UNC79: variants seen among roughly 807,000 people sequenced by gnomAD.
The protein encoded by UNC79 is protein unc-79 homolog.
UNC79 carries 37 observed loss-of-function variants against 283.1 expected under a neutral mutation model. That is an observed-to-expected ratio of 0.13 (90% CI 0.10 to 0.17). The LOEUF is 0.17. UNC79 is among the 10% of genes least tolerant of loss of function. The pLI, the probability that UNC79 is intolerant of heterozygous loss-of-function variation, is 1.00. For missense variants in UNC79, 2,272 were observed against 3,211.1 expected (o/e 0.71, Z 7.07); for synonymous variants, 1,107 against 1,200.2 (o/e 0.92, Z 1.61).
At chr14:93,643,802 G>T (rs978613686) in intron 34 of UNC79, 105 bp downstream of exon 37, 1 of 1,479,014 alleles carries the variant, frequency 6.8e-7, no homozygotes, top group African/African-American at 1.4e-5. Flanking sequence ...CCACCTTGTA[G>T]ATACTGGTAT....
intron 4 of UNC79, among the ~76,000 whole-genome samples, chr14:93,481,752 A>G (rs531744947): frequency 6.6e-6 from 1 of 152,346 alleles, no homozygotes; most frequent in South Asian, 2.1e-4. Flanking sequence ...AACACATAGA[A>G]AAAACAGTAA....
At chr14:93,647,990 A>T (rs775348914) in intron 35 of UNC79, among the ~76,000 whole-genome samples, 7 of 152,124 alleles carry the variant, frequency 4.6e-5, no homozygotes, top group Non-Finnish European at 7.4e-5. Flanking sequence ...TATGGGGAAA[A>T]CCACCCCTAT....
intron 40 of UNC79, among the ~76,000 whole-genome samples, chr14:93,664,760 A>C (rs1441931592): frequency 6.6e-6 from 1 of 152,174 alleles, no homozygotes; most frequent in African/African-American, 2.4e-5. Flanking sequence ...TGGAACTCCC[A>C]AGTTGAAGAG....
At chr14:93,612,990 C>G (rs765922099) in exon 27 of UNC79, 2 of 1,614,200 alleles carry the variant, frequency 1.2e-6, no homozygotes, top group Non-Finnish European at 1.7e-6. Context: ...ACGTCTTACT[C>G]GGCTATGACC....
intron 1 of UNC79, among the ~76,000 whole-genome samples, chr14:93,370,466 C>T (rs80313807): frequency 0.012 from 1,851 of 152,238 alleles, 37 homozygotes; most frequent in African/African-American, 0.042. Flanking sequence ...AGAAAGATCT[C>T]TGCGCTTAAA....
intron 47 of UNC79, among the ~76,000 whole-genome samples, chr14:93,701,527 GT>G (rs2075529019): frequency 6.6e-6 from 1 of 152,034 alleles, no homozygotes; most frequent in Admixed American, 6.6e-5. Flanking sequence ...TCAGGATATT[GT>G]TTCTGAAGAG....
chr14:93,580,108 T>TTG (rs535994924), intron 18 of UNC79, 41 bp from the exon 19 acceptor site: 55 of 1,500,138 alleles, frequency 3.7e-5, no homozygotes, highest in Middle Eastern at 1.8e-4. Context: ...TCTTTTTTTT[T>TTG]TGTGTGTGTG....
chr14:93,516,982 T>A (rs1029722756), intron 7 of UNC79, among the ~76,000 whole-genome samples: 2 of 152,128 alleles, frequency 1.3e-5, no homozygotes, highest in African/African-American at 4.8e-5. Context: ...AAATAGTGTT[T>A]AAAAATTTTA....
intron 1 of UNC79, among the ~76,000 whole-genome samples, chr14:93,381,963 C>A (rs1489832864): frequency 3.9e-5 from 6 of 152,154 alleles, no homozygotes; most frequent in African/African-American, 1.4e-4. Context: ...GAGGAATAGA[C>A]AAGCTAAGCT....
intron 40 of UNC79, among the ~76,000 whole-genome samples, chr14:93,666,789 C>T (rs1260952132): frequency 2.6e-5 from 4 of 151,858 alleles, no homozygotes; most frequent in Non-Finnish European, 5.9e-5. Flanking sequence ...AATTTTAGAA[C>T]AGATTTAAAA....
Position 93,573,911 on chromosome 14 carries a change from G to A in UNC79, c.2070+1095G>A, listed in dbSNP as rs897526861. ...TCCCAGCTACTTGGGAGGCCGAGCC[G>A]GGAGAATCTCTTGAGCCCAGGAGAT... On this transcript the variant is annotated intron_variant, in intron 16 of 48. Transcript: ENST00000555664. Among the ~76,000 whole-genome samples, 4 of 152,126 alleles carry A rather than the reference G, an allele frequency of 2.6e-5. 1 individual carries two copies. The highest frequency in any genetic ancestry group is 3.9e-4 in the East Asian group (2 of 5,184).
intron 1 of UNC79, among the ~76,000 whole-genome samples, chr14:93,404,221 AG>A (rs147489908): frequency 0.12 from 17,965 of 151,652 alleles, 1,322 homozygotes; most frequent in African/African-American, 0.21. Context: ...AGTTGGGAAG[AG>A]GATTGAAATA....
intron 17 of UNC79, among the ~76,000 whole-genome samples, chr14:93,576,048 T>C (rs942001723): frequency 6.6e-6 from 1 of 152,266 alleles, no homozygotes; most frequent in Non-Finnish European, 1.5e-5. Context: ...CTTTCTTTCT[T>C]TCTTCTGTAA....
At chr14:93,466,935 C>T (rs1230270917) in intron 1 of UNC79, 1 of 984,646 alleles carries the variant, frequency 1.0e-6, no homozygotes, top group African/African-American at 1.7e-5. Context: ...TATTGAGTCC[C>T]TCCTGAATCT....
chr14:93,603,503 T>G, intron 26 of UNC79, 85 bp downstream of exon 26: 1 of 1,452,742 alleles, frequency 6.9e-7, no homozygotes, highest in Middle Eastern at 2.4e-4. Flanking sequence ...TCACAGAGAG[T>G]ATAGCATGTT....
chr14:93,616,993 C>T, intron 27 of UNC79, 129 bp from the exon 29 acceptor site: 2 of 762,124 alleles, frequency 2.6e-6, no homozygotes, highest in Non-Finnish European at 4.0e-6. Context: ...TTTTAATATT[C>T]TGTGGGATGC....
At chr14:93,502,217 T>C (rs1039900094) in intron 7 of UNC79, among the ~76,000 whole-genome samples, 1 of 151,976 alleles carries the variant, frequency 6.6e-6, no homozygotes, top group African/African-American at 2.4e-5. Context: ...ATCGAGACCA[T>C]CCTGGCTAAC....
At chr14:93,513,201 T>A (rs574413194) in intron 7 of UNC79, among the ~76,000 whole-genome samples, 36 of 115,210 alleles carry the variant, frequency 3.1e-4, no homozygotes, top group African/African-American at 1.1e-3. Context: ...CTTCCTTCCT[T>A]CTTTCCTTCC....
At chr14:93,433,651 G>C (rs990623897) in intron 1 of UNC79, among the ~76,000 whole-genome samples, 9 of 152,072 alleles carry the variant, frequency 5.9e-5, no homozygotes, top group Non-Finnish European at 1.2e-4. Flanking sequence ...ACTTTCCTAA[G>C]GACTGAGGAG....
Sources: gnomAD v4.1 joint callset for allele counts (sites outside exome capture counted in the v4.1 genomes callset) on GRCh38, gnomAD v4.1.1 for gene constraint, MANE v1.5 for transcripts, NCBI Gene and HGNC (gene_info 2026-07-23, HGNC 2026-07-21) for gene names.